The following HS6ST3 variants were observed in gnomAD, a reference collection of about 807,000 sequenced individuals.
HS6ST3 encodes the protein heparan sulfate 6-O-sulfotransferase 3.
HS6ST3 carries 12 observed loss-of-function variants against 36.7 expected under a neutral mutation model. That is an observed-to-expected ratio of 0.33 (90% CI 0.21 to 0.53). The LOEUF is 0.53. Ranked by LOEUF, HS6ST3 falls within the 20% of genes least tolerant of loss-of-function variation. The pLI is 0.95. For synonymous variants in HS6ST3, 240 were observed against 257.5 expected (o/e 0.93, Z 0.65); for missense variants, 584 against 640.9 (o/e 0.91, Z 0.96).
chr13:96,607,078 G>A (rs2056441773), intron 1 of HS6ST3, among the ~76,000 whole-genome samples: 1 of 152,158 alleles, frequency 6.6e-6, no homozygotes, highest in Non-Finnish European at 1.5e-5. Context: ...TAAGTAAAAT[G>A]TGAAGCTGCC....
At position 96,829,401 on chromosome 13, in the gene HS6ST3, T is replaced by A. The variant is rs539327233; in HGVS notation, c.708-3089T>A. Among the ~76,000 whole-genome samples, 7 of 152,180 alleles carry A rather than the reference T, an allele frequency of 4.6e-5. No homozygotes were observed. In the South Asian group the frequency reaches 1.5e-3, roughly 32 times the overall value. On this transcript the variant is annotated intron_variant, in intron 1 of 1. Transcript: ENST00000376705. ...CACAGGTAAACTTGTATCATGGGTG[T>A]TTGTTGTACAGATTATTTCATCACC...
At chr13:96,309,970 G>T (rs1449131500) in intron 1 of HS6ST3, among the ~76,000 whole-genome samples, 1 of 152,024 alleles carries the variant, frequency 6.6e-6, no homozygotes, top group Non-Finnish European at 1.5e-5. Context: ...TTACATAAAT[G>T]AAATACATTT....
chr13:96,315,037 C>T (rs2054961389), intron 1 of HS6ST3, among the ~76,000 whole-genome samples: 3 of 152,090 alleles, frequency 2.0e-5, no homozygotes. Context: ...GATGAACAGA[C>T]CTTACCTAAA....
intron 1 of HS6ST3, among the ~76,000 whole-genome samples, chr13:96,594,653 G>A (rs754915501): frequency 6.6e-5 from 10 of 151,964 alleles, no homozygotes; most frequent in Admixed American, 5.2e-4. Context: ...TTAATGTCAC[G>A]ATTTATATTG....
intron 1 of HS6ST3, among the ~76,000 whole-genome samples, chr13:96,560,150 G>C (rs1035807515): frequency 2.6e-5 from 4 of 152,200 alleles, no homozygotes; most frequent in Non-Finnish European, 5.9e-5. Flanking sequence ...GAAAGTGCTA[G>C]TGTGGGGCTT....
intron 1 of HS6ST3, among the ~76,000 whole-genome samples, chr13:96,437,101 C>CA (rs1308580077): frequency 6.6e-6 from 1 of 152,134 alleles, no homozygotes. Flanking sequence ...TAACACAAGT[C>CA]ACCATGTGGT....
intron 1 of HS6ST3, among the ~76,000 whole-genome samples, chr13:96,373,019 C>T (rs894901361): frequency 2.0e-4 from 30 of 152,230 alleles, no homozygotes; most frequent in African/African-American, 6.5e-4. Flanking sequence ...CAAATCCTTC[C>T]ATGCCTCTTT....
At chr13:96,638,073 T>A (rs1277286357) in intron 1 of HS6ST3, among the ~76,000 whole-genome samples, 1 of 152,142 alleles carries the variant, frequency 6.6e-6, no homozygotes, top group Non-Finnish European at 1.5e-5. Flanking sequence ...ACCTTGGTTT[T>A]ACCTGGACAG....
chr13:96,177,351 G>A (rs965392615), intron 1 of HS6ST3, among the ~76,000 whole-genome samples: 1 of 152,262 alleles, frequency 6.6e-6, no homozygotes. Context: ...ATTCACAATA[G>A]CAAAGACATG....
chr13:96,417,694 A>G (rs1162757404), intron 1 of HS6ST3, among the ~76,000 whole-genome samples: 1 of 144,560 alleles, frequency 6.9e-6, no homozygotes, highest in African/African-American at 2.6e-5. Flanking sequence ...ACATATACCT[A>G]TATATTTATA....
intron 1 of HS6ST3, among the ~76,000 whole-genome samples, chr13:96,433,271 G>A (rs2055625165): frequency 6.6e-6 from 1 of 152,102 alleles, no homozygotes; most frequent in Non-Finnish European, 1.5e-5. Flanking sequence ...GAGGTCATTG[G>A]GGTGAGCCCT....
At chr13:96,177,317 C>T (rs2054217211) in intron 1 of HS6ST3, among the ~76,000 whole-genome samples, 1 of 152,154 alleles carries the variant, frequency 6.6e-6, no homozygotes, top group South Asian at 2.1e-4. Flanking sequence ...AAGACACATG[C>T]ACATAAATGT....
At chr13:96,657,408 C>T (rs2056629514) in intron 1 of HS6ST3, among the ~76,000 whole-genome samples, 1 of 151,920 alleles carries the variant, frequency 6.6e-6, no homozygotes, top group African/African-American at 2.4e-5. Flanking sequence ...ATGGTCCTAG[C>T]TACTTGGGAG....
intron 1 of HS6ST3, among the ~76,000 whole-genome samples, chr13:96,160,872 C>A (rs1368220278): frequency 6.6e-6 from 1 of 152,114 alleles, no homozygotes; most frequent in African/African-American, 2.4e-5. Context: ...GCTGGGATGG[C>A]CCTGGGAGCT....
chr13:96,830,855 G>A (rs900054446), intron 1 of HS6ST3, among the ~76,000 whole-genome samples: 20 of 152,190 alleles, frequency 1.3e-4, no homozygotes, highest in African/African-American at 4.1e-4. Flanking sequence ...CCCTCAACGA[G>A]CCAAGGACTG....
At chr13:96,799,968 A>ATATATATATATG (rs1566456794) in intron 1 of HS6ST3, among the ~76,000 whole-genome samples, 76 of 69,534 alleles carry the variant, frequency 1.1e-3, no homozygotes, top group East Asian at 3.5e-3. Flanking sequence ...ATATATGTGT[A>ATATATATATATG]TATATATATA....
At chr13:96,393,378 G>A (rs1253637152) in intron 1 of HS6ST3, among the ~76,000 whole-genome samples, 1 of 152,156 alleles carries the variant, frequency 6.6e-6, no homozygotes, top group African/African-American at 2.4e-5. Context: ...ACTATTAAAT[G>A]TGTGACAATT....
chr13:96,132,458 G>A (rs2053980967), intron 1 of HS6ST3, among the ~76,000 whole-genome samples: 1 of 151,478 alleles, frequency 6.6e-6, no homozygotes, highest in Non-Finnish European at 1.5e-5. Flanking sequence ...AGGCTGGAGT[G>A]CAGTGGCACA....
chr13:96,180,160 T>C (rs927473676), intron 1 of HS6ST3, among the ~76,000 whole-genome samples: 1 of 152,094 alleles, frequency 6.6e-6, no homozygotes, highest in African/African-American at 2.4e-5. Context: ...TAGGATGCAA[T>C]TGTGTGATTT....
Sources: gnomAD v4.1 joint callset for allele counts (sites outside exome capture counted in the v4.1 genomes callset) on GRCh38, gnomAD v4.1.1 for gene constraint, MANE v1.5 for transcripts, NCBI Gene and HGNC (gene_info 2026-07-23, HGNC 2026-07-21) for gene names.